Variants in ANAPC10 observed in about 807,000 individuals in gnomAD.
ANAPC10 encodes the protein anaphase-promoting complex subunit 10.
Under a neutral mutation model 22.0 loss-of-function variants are expected in ANAPC10, and 12 were observed. The ratio of observed to expected loss-of-function variants is 0.55; its 90% CI spans 0.35 to 0.88. The LOEUF (loss-of-function observed/expected upper bound fraction) is 0.88. Among genes scored for constraint, ANAPC10 ranks in the 40% least tolerant of loss-of-function variants. The pLI is 0.01. For synonymous variants in ANAPC10, 65 were observed against 69.5 expected (o/e 0.94, Z 0.32); for missense variants, 188 against 220.9 (o/e 0.85, Z 0.94).
rs1209154168 is a variant in ANAPC10, at chr4:145,081,670, TG to T, written c.195del (p.Asn65LysfsTer10). On this transcript the variant is annotated frameshift_variant, in exon 3 of 5. Coordinates refer to ENST00000507656, the MANE Select transcript of ANAPC10 (RefSeq NM_001256706.2). LOFTEE classifies it high-confidence loss of function. Reference protein sequence around the residue: ...QSDGSQPHLVNIQFRRKTTVK... With the variant: ...QSDGSQPHLVXIQFRRKTTVK... ...AAATGTATTAATTACCTGAATTGGA[TG>T]TTCACTAAATGAGGCTGGGAACCAT... is the stretch of plus-strand genomic sequence containing the variant. The T allele has an allele frequency of 6.2e-7, 1 of 1,608,698 alleles. No individual in the cohort carries two copies. The highest frequency in any genetic ancestry group is 1.1e-5 in the South Asian group (1 of 89,798).
chr4:145,053,824 G>A (rs963641486), intron 4 of ANAPC10: 7 of 590,128 alleles, frequency 1.2e-5, no homozygotes, highest in Non-Finnish European at 2.1e-5. Flanking sequence ...CCTCTATTAA[G>A]ATATACTTTT....
chr4:145,035,702 C>G (rs746117398), intron 4 of ANAPC10, among the ~76,000 whole-genome samples: 5 of 152,204 alleles, frequency 3.3e-5, no homozygotes, highest in Admixed American at 6.5e-5. Context: ...TGTTTTTGTT[C>G]CCCACCACTT....
chr4:145,063,785 A>G (rs1743252142), intron 4 of ANAPC10, among the ~76,000 whole-genome samples: 2 of 152,146 alleles, frequency 1.3e-5, no homozygotes, highest in Admixed American at 1.3e-4. Context: ...AGAAGTAAAA[A>G]AGAATGAAGC....
At chr4:145,095,896 G>A in intron 2 of ANAPC10, 89 bp downstream of exon 2, 2 of 1,567,296 alleles carry the variant, frequency 1.3e-6, no homozygotes, top group South Asian at 2.2e-5. Flanking sequence ...GGGAGTCCTG[G>A]AATGTATCCC....
At chr4:145,034,592 ATATCCTATATATAT>A (rs1414977131) in intron 4 of ANAPC10, among the ~76,000 whole-genome samples, 156 of 146,448 alleles carry the variant, frequency 1.1e-3, no homozygotes, top group African/African-American at 3.7e-3. Flanking sequence ...TCCCACATAC[ATATCCTATATATAT>A]TATAACAAGG....
intron 4 of ANAPC10, among the ~76,000 whole-genome samples, chr4:145,059,851 TA>T (rs34293470): frequency 2.0e-5 from 3 of 149,436 alleles, no homozygotes; most frequent in East Asian, 1.9e-4. Flanking sequence ...CTCTAAATGA[TA>T]AAAAAAAAAT....
chr4:144,997,271 C>T (rs542387297), intron 4 of ANAPC10, among the ~76,000 whole-genome samples: 20 of 152,210 alleles, frequency 1.3e-4, no homozygotes, highest in African/African-American at 4.8e-4. Flanking sequence ...AGAGCAACAC[C>T]AAGATACATA....
At chr4:145,074,122 A>C (rs940115035) in intron 3 of ANAPC10, among the ~76,000 whole-genome samples, 5 of 151,526 alleles carry the variant, frequency 3.3e-5, no homozygotes, top group African/African-American at 1.2e-4. Context: ...CAAACAGAAA[A>C]TAATTCACTT....
At chr4:145,001,809 C>G (rs985177912) in intron 4 of ANAPC10, among the ~76,000 whole-genome samples, 2 of 152,112 alleles carry the variant, frequency 1.3e-5, no homozygotes, top group African/African-American at 4.8e-5. Flanking sequence ...TTCCTATTAG[C>G]AACCTTTAAG....
intron 1 of ANAPC10, among the ~76,000 whole-genome samples, chr4:145,096,904 T>A (rs528770009): frequency 2.0e-5 from 3 of 152,166 alleles, no homozygotes; most frequent in African/African-American, 7.2e-5. Flanking sequence ...ATACCTGCCC[T>A]CTAGCTGTCA....
At chr4:145,090,615 A>C (rs944522376) in intron 2 of ANAPC10, among the ~76,000 whole-genome samples, 5 of 152,154 alleles carry the variant, frequency 3.3e-5, no homozygotes, top group Non-Finnish European at 7.4e-5. Context: ...TTATCATGTG[A>C]TCTTTGTCAA....
chr4:145,039,939 G>A (rs1243940865), intron 4 of ANAPC10, among the ~76,000 whole-genome samples: 3 of 151,932 alleles, frequency 2.0e-5, no homozygotes, highest in Non-Finnish European at 4.4e-5. Context: ...GAAATCTGAG[G>A]CTAACATTCC....
intron 4 of ANAPC10, among the ~76,000 whole-genome samples, chr4:145,015,174 A>C (rs1734915985): frequency 6.6e-6 from 1 of 152,108 alleles, no homozygotes; most frequent in Non-Finnish European, 1.5e-5. Context: ...GCCCAATGCA[A>C]GGAAATCCAA....
At chr4:145,026,018 C>T (rs897860296) in intron 4 of ANAPC10, among the ~76,000 whole-genome samples, 2 of 152,138 alleles carry the variant, frequency 1.3e-5, no homozygotes, top group Non-Finnish European at 2.9e-5. Context: ...GAATATAAAG[C>T]GAACTGTACA....
intron 4 of ANAPC10, among the ~76,000 whole-genome samples, chr4:145,035,897 T>C (rs1738449361): frequency 6.6e-6 from 1 of 152,168 alleles, no homozygotes; most frequent in South Asian, 2.1e-4. Context: ...GCTTTTCTGA[T>C]GGACCTTCCA....
At chr4:145,019,733 A>G (rs1327041936) in intron 4 of ANAPC10, among the ~76,000 whole-genome samples, 1 of 152,216 alleles carries the variant, frequency 6.6e-6, no homozygotes, top group East Asian at 1.9e-4. Flanking sequence ...AATAACCTCA[A>G]TAAGAAATGA....
chr4:145,036,995 C>CGT (rs202100756), intron 4 of ANAPC10, among the ~76,000 whole-genome samples: 14,158 of 130,938 alleles, frequency 0.11, 877 homozygotes, highest in South Asian at 0.14. Flanking sequence ...AAATAGATAA[C>CGT]GTGTGTGTGT....
At chr4:145,061,588 T>A (rs374675595) in intron 4 of ANAPC10, among the ~76,000 whole-genome samples, 1 of 152,202 alleles carries the variant, frequency 6.6e-6, no homozygotes, top group Non-Finnish European at 1.5e-5. Context: ...ATTTTATTGC[T>A]AGTGTTTCAC....
chr4:145,048,581 T>C (rs1255067572), intron 4 of ANAPC10, among the ~76,000 whole-genome samples: 2 of 152,082 alleles, frequency 1.3e-5, no homozygotes, highest in Non-Finnish European at 2.9e-5. Context: ...TACCATCTAC[T>C]GGTAGTTGAC....
Sources: allele counts gnomAD v4.1 joint callset (sites outside exome capture counted in the v4.1 genomes callset), GRCh38; gene constraint gnomAD v4.1.1; transcripts MANE v1.5; gene names NCBI Gene and HGNC (gene_info 2026-07-23, HGNC 2026-07-21).